RBL1: variants seen among roughly 807,000 people sequenced by gnomAD.
The protein encoded by RBL1 is retinoblastoma-like protein 1.
RBL1 carries 82 observed loss-of-function variants against 123.0 expected under a neutral mutation model. The observed-to-expected ratio is 0.67, with a 90% CI of 0.56 to 0.80. RBL1 has a LOEUF of 0.80. Among genes scored for constraint, RBL1 ranks in the 30% least tolerant of loss-of-function variants. The pLI is 0.00. For missense variants in RBL1, 1,171 were observed against 1,299.6 expected (o/e 0.90, Z 1.52); for synonymous variants, 405 against 441.3 (o/e 0.92, Z 1.03).
At chr20:37,044,061 G>A (rs1217232144) in intron 13 of RBL1, 25 bp downstream of exon 13, 20 of 1,165,874 alleles carry the variant, frequency 1.7e-5, no homozygotes, top group Admixed American at 5.4e-5. Flanking sequence ...TTAATGATAC[G>A]ATTATCAGCC....
rs1484751422 is a variant in RBL1, at chr20:36,998,782, C to A, written c.3184G>T (p.Val1062Phe). Residue 1062 changes from valine (V) to phenylalanine (F), a missense_variant, in exon 22 of 22, where the codon GTC becomes TTC. By Grantham distance (50) the Val-to-Phe change is conservative. Transcript: ENST00000373664. Reference sequence around the variant, plus strand: ...CATTAATGATTTGCTCTTTCACTGACAACATCCTGTAGTCGTTTCAGTAAA... The same window carrying A: ...CATTAATGATTTGCTCTTTCACTGAAAACATCCTGTAGTCGTTTCAGTAAA... ...DVLLKRLQDV[V>F]SERANH is the part of the protein sequence containing the mutation. The A allele has an allele frequency of 6.2e-7, 1 of 1,612,318 alleles. No individual in the cohort carries two copies. The highest frequency in any genetic ancestry group is 2.2e-5 in the East Asian group (1 of 44,872).
intron 15 of RBL1, among the ~76,000 whole-genome samples, chr20:37,033,752 C>T (rs560463436): frequency 9.4e-4 from 140 of 149,568 alleles, no homozygotes; most frequent in African/African-American, 3.4e-3. Flanking sequence ...GTTGGGACTA[C>T]AGGCATGCGC....
chr20:37,067,030 G>A lies in RBL1; in HGVS notation c.648C>T (p.Cys216=), dbSNP rs755767487. The A allele has an allele frequency of 7.5e-6, 12 of 1,609,428 alleles. No individual in the cohort carries two copies. Among genetic ancestry groups the A allele is most frequent in the Non-Finnish European group, 9.3e-6 (11 of 1,176,590 alleles). ...LDLIFANAIM[C]PNRQDLLNPS... ...GATTTAGCAAGTCTTGTCTATTTGG[G>A]CACATAATCGCATTGGCAAAAATCA... Residue 216 remains cysteine, a synonymous_variant, in exon 5 of 22, where the codon TGC becomes TGT. Transcript: ENST00000373664.
At chr20:37,024,415 T>C (rs887937760) in intron 16 of RBL1, among the ~76,000 whole-genome samples, 1 of 152,308 alleles carries the variant, frequency 6.6e-6, no homozygotes, top group East Asian at 1.9e-4. Context: ...AAATAATATG[T>C]AGTTAAGTAA....
intron 2 of RBL1, among the ~76,000 whole-genome samples, chr20:37,076,034 G>T (rs2065358297): frequency 6.6e-6 from 1 of 151,996 alleles, no homozygotes; most frequent in Non-Finnish European, 1.5e-5. Flanking sequence ...CTCCACTAAG[G>T]CAATCATGGT....
At position 37,088,969 on chromosome 20, in the gene RBL1, A is replaced by G. The variant is rs755420703; in HGVS notation, c.290+20T>C. ...AAATTTAGAGCTTATATAACATTTAAAAACATCAAAGAGGTTTACCTTAAT... is the reference window on the plus strand; with the variant it reads ...AAATTTAGAGCTTATATAACATTTAGAAACATCAAAGAGGTTTACCTTAAT... On this transcript the variant is annotated intron_variant, in intron 2 of 21. Transcript: ENST00000373664. 1 of 1,500,746 alleles carries G rather than the reference A, an allele frequency of 6.7e-7. No homozygotes were observed. The highest frequency in any genetic ancestry group is 8.9e-7 in the Non-Finnish European group (1 of 1,119,520). 93.0% of individuals were successfully genotyped at this position (1,500,746 alleles called of 1,614,324 possible).
chr20:37,076,248 T>C (rs1272636633), intron 2 of RBL1, among the ~76,000 whole-genome samples: 1 of 152,198 alleles, frequency 6.6e-6, no homozygotes, highest in East Asian at 1.9e-4. Flanking sequence ...GAACCATATA[T>C]AGAGTATATA....
rs1230485487 is a variant in RBL1, at chr20:37,001,178, TCTGCCCGGCCGCCC to T, written c.3037-2263_3037-2250del. ...CCCCGTCCGGGAGGTGAGGGGCGCC[TCTGCCCGGCCGCCC>T]CTGCCCGGCCGCCCCTACTGGGAAG... On this transcript the variant is annotated intron_variant, in intron 21 of 21. Coordinates refer to ENST00000373664, the MANE Select transcript of RBL1 (RefSeq NM_002895.5). Among the ~76,000 whole-genome samples the T allele has an allele frequency of 3.8e-3, 548 of 144,670 alleles. 1 individual carries two copies. The highest frequency in any genetic ancestry group is 5.5e-3 in the Non-Finnish European group (360 of 65,470). 94.9% of individuals were successfully genotyped at this position (144,670 alleles called of 152,430 possible).
At chr20:37,000,142 C>T (rs1482930834) in intron 21 of RBL1, among the ~76,000 whole-genome samples, 2 of 149,874 alleles carry the variant, frequency 1.3e-5, no homozygotes, top group East Asian at 4.1e-4. Context: ...TGCCCGGCCG[C>T]CCCGTCTGAG....
At chr20:37,003,001 G>A (rs1372464906) in intron 21 of RBL1, among the ~76,000 whole-genome samples, 2 of 152,132 alleles carry the variant, frequency 1.3e-5, no homozygotes, top group Non-Finnish European at 2.9e-5. Flanking sequence ...TAGGATTACA[G>A]GCTTGAGTCA....
Position 37,041,823 on chromosome 20 carries a change from G to C in RBL1, c.1771-1538C>G, listed in dbSNP as rs139413862. Among the ~76,000 whole-genome samples the C allele has an allele frequency of 3.5e-3, 539 of 152,068 alleles. 1 individual carries two copies. The highest frequency in any genetic ancestry group is 0.012 in the African/African-American group (507 of 41,510). ...AAAGACACCATCAAGAAAGTGAAAA[G>C]ACAGGCCAGGTGCAGTGGCTCATGC... On this transcript the variant is annotated intron_variant, in intron 13 of 21. Coordinates refer to ENST00000373664, the MANE Select transcript of RBL1 (RefSeq NM_002895.5).
At position 37,066,986 on chromosome 20, in the gene RBL1, G is replaced by A. The variant is rs765838046; in HGVS notation, c.685+7C>T. Reference sequence around the variant, plus strand: ...ATCAGTTTTCAAAAATAAATAAAAGGTCTTACCTTTAAATGATGGATTTAG... The same window carrying A: ...ATCAGTTTTCAAAAATAAATAAAAGATCTTACCTTTAAATGATGGATTTAG... On this transcript the variant is annotated splice_region_variant and intron_variant, in intron 5 of 21. Coordinates refer to ENST00000373664, the MANE Select transcript of RBL1 (RefSeq NM_002895.5). The A allele has an allele frequency of 1.3e-6, 2 of 1,593,318 alleles. No homozygotes were observed. The highest frequency in any genetic ancestry group is 2.2e-5 in the East Asian group (1 of 44,786).
At chr20:37,001,356 G>T (rs1248489466) in intron 21 of RBL1, among the ~76,000 whole-genome samples, 2 of 151,574 alleles carry the variant, frequency 1.3e-5, no homozygotes, top group Non-Finnish European at 2.9e-5. Context: ...AAATCGGATG[G>T]TTGCCATGTC....
intron 20 of RBL1, among the ~76,000 whole-genome samples, chr20:37,006,440 G>A (rs564867283): frequency 2.2e-4 from 33 of 150,800 alleles, no homozygotes; most frequent in Non-Finnish European, 3.5e-4. Context: ...TGATCCGCCC[G>A]CCTAGGCCTC....
At chr20:37,017,504 GA>G (rs1356043833) in intron 19 of RBL1, among the ~76,000 whole-genome samples, 1 of 150,770 alleles carries the variant, frequency 6.6e-6, no homozygotes, top group South Asian at 2.1e-4. Flanking sequence ...TTCTTTCTTT[GA>G]AAAAAAAAGA....
In RBL1 at chr20:37,068,116, G is replaced by A. The variant is rs964394221; in HGVS notation, c.361C>T (p.Arg121Cys). Residue 121 changes from arginine to cysteine, a missense_variant, in exon 3 of 22, where the codon CGT (arginine) becomes TGT (cysteine). By Grantham distance (180) the Arg-to-Cys change is radical. Transcript: ENST00000373664. ...MSNLPQEFRE[R>C]IERLERNFEV... is the part of the protein sequence containing the mutation. ...AAATTTCTCTCTAGCCTTTCTATAC[G>A]TTCACGAAATTCTTGTGGTAGATTT... 8.7e-6 allele frequency: 14 copies of A among 1,611,512 alleles called. No homozygotes were observed. Among genetic ancestry groups the A allele is most frequent in the African/African-American group, 1.3e-5 (1 of 74,376 alleles).
chr20:37,021,840 C>T (rs1292853595), intron 17 of RBL1: 1 of 189,582 alleles, frequency 5.3e-6, no homozygotes, highest in Non-Finnish European at 1.1e-5. Context: ...CAATTTGGTT[C>T]CTTGAGTCCT....
chr20:37,067,941 T>C (rs1449389036), intron 3 of RBL1, 45 bp downstream of exon 3: 1 of 1,576,798 alleles, frequency 6.3e-7, no homozygotes, highest in East Asian at 2.2e-5. Flanking sequence ...TCTCTTAGTT[T>C]GTATCATAAT....
intron 2 of RBL1, among the ~76,000 whole-genome samples, chr20:37,073,640 G>A (rs1029038156): frequency 6.7e-6 from 1 of 148,910 alleles, no homozygotes; most frequent in African/African-American, 2.5e-5. Context: ...CAAGGCTGCA[G>A]TGAGCTGTGA....
Sources: allele counts gnomAD v4.1 joint callset (sites outside exome capture counted in the v4.1 genomes callset), GRCh38; gene constraint gnomAD v4.1.1; transcripts MANE v1.5; gene names NCBI Gene and HGNC (gene_info 2026-07-23, HGNC 2026-07-21).